ERI3: variants seen among roughly 807,000 people sequenced by gnomAD.
ERI3 encodes the protein ERI1 exoribonuclease family member 3, also known as ERI1 exoribonuclease 3.
In ERI3, 18 loss-of-function variants were observed where a neutral mutation model predicts 44.4. The ratio of observed to expected loss-of-function variants is 0.41; its 90% confidence interval spans 0.28 to 0.60. The LOEUF is 0.60. ERI3 is among the 20% of genes least tolerant of loss of function. The pLI is 0.36. For missense variants in ERI3, 294 were observed against 435.5 expected (o/e 0.68, Z 2.89); for synonymous variants, 183 against 164.8 (o/e 1.11, Z -0.84).
chr1:44,300,348 T>A (rs542637090), intron 6 of ERI3, among the ~76,000 whole-genome samples: 1 of 152,190 alleles, frequency 6.6e-6, no homozygotes, highest in Admixed American at 6.5e-5. Flanking sequence ...AGAAATGAGG[T>A]TGCCACTGGG....
At chr1:44,276,409 T>C (rs1645182637) in intron 7 of ERI3, among the ~76,000 whole-genome samples, 1 of 152,248 alleles carries the variant, frequency 6.6e-6, no homozygotes, top group Non-Finnish European at 1.5e-5. Flanking sequence ...GCATATGCAA[T>C]AGGTAAACAT....
rs376679407 is a variant in ERI3 at position 44,284,817 on chromosome 1, G to A, written c.831+18C>T. On this transcript the variant is annotated intron_variant, in intron 7 of 8. Coordinates refer to ENST00000372257, the MANE Select transcript of ERI3 (RefSeq NM_024066.3). ...AGAGCACCAGGGGAAGCACCCAGTT[G>A]GGGCTCAGACACAGTACCTTTTTCA... is the stretch of plus-strand genomic sequence containing the variant. 2.2e-4 allele frequency: 358 copies of A among 1,611,024 alleles called. 8 individuals carry two copies. In the East Asian group the frequency reaches 3.1e-3, roughly 14 times the overall value.
chr1:44,342,328 C>G (rs976556362), intron 2 of ERI3, among the ~76,000 whole-genome samples: 3 of 152,066 alleles, frequency 2.0e-5, no homozygotes, highest in African/African-American at 7.2e-5. Flanking sequence ...GGGTAAAGGG[C>G]AGTGGCAGTA....
intron 2 of ERI3, among the ~76,000 whole-genome samples, chr1:44,347,996 T>G (rs998393744): frequency 6.6e-6 from 1 of 152,238 alleles, no homozygotes; most frequent in Admixed American, 6.5e-5. Flanking sequence ...ATTTTATTCC[T>G]CTGTATTCCC....
chr1:44,259,201 T>G (rs559646355), intron 7 of ERI3, among the ~76,000 whole-genome samples: 3 of 151,906 alleles, frequency 2.0e-5, no homozygotes, highest in African/African-American at 7.3e-5. Context: ...GCTTTTATAA[T>G]AGGAGAGAAA....
intron 8 of ERI3, among the ~76,000 whole-genome samples, chr1:44,237,914 C>G (rs145991600): frequency 1.9e-3 from 285 of 152,232 alleles, no homozygotes; most frequent in Non-Finnish European, 2.7e-3. Flanking sequence ...GCCGGCAGCA[C>G]TACCTTGTCC....
intron 6 of ERI3, among the ~76,000 whole-genome samples, chr1:44,298,895 G>A (rs1645665946): frequency 6.6e-6 from 1 of 152,174 alleles, no homozygotes; most frequent in Non-Finnish European, 1.5e-5. Flanking sequence ...CTCTAGCCTG[G>A]GTGAAAGAAG....
chr1:44,346,682 C>G (rs1318472850), intron 2 of ERI3, among the ~76,000 whole-genome samples: 1 of 152,120 alleles, frequency 6.6e-6, no homozygotes, highest in Non-Finnish European at 1.5e-5. Context: ...TCCTATACTC[C>G]TGGTCCCAAG....
At chr1:44,299,567 C>A (rs1034285381) in intron 6 of ERI3, among the ~76,000 whole-genome samples, 8 of 152,056 alleles carry the variant, frequency 5.3e-5, no homozygotes, top group Admixed American at 4.6e-4. Context: ...ATATCTCATA[C>A]AAAGGAAAAT....
intron 7 of ERI3, among the ~76,000 whole-genome samples, chr1:44,281,578 A>T (rs1645283186): frequency 7.9e-6 from 1 of 126,924 alleles, no homozygotes; most frequent in Non-Finnish European, 1.6e-5. Context: ...ACAGAGTGAG[A>T]CCCCGTCTCG....
Position 44,284,889 on chromosome 1 carries a change from C to T in ERI3, c.777G>A (p.Gln259=). ...AATCCGCCACTGGCAAGCCCAAGTA[C>T]TGGCACTGGCCTGGGAGCCTACAAA... ...DLKVMLPGQC[Q]YLGLPVADYF... Residue 259 remains glutamine (Q), a synonymous_variant, in exon 7 of 9, where the codon CAG becomes CAA. Transcript: ENST00000372257. The T allele has an allele frequency of 1.2e-6, 2 of 1,614,066 alleles. No homozygotes were observed. Among genetic ancestry groups the T allele is most frequent in the Non-Finnish European group, 1.7e-6 (2 of 1,179,986 alleles).
intron 6 of ERI3, among the ~76,000 whole-genome samples, chr1:44,291,482 C>T (rs1362048376): frequency 6.6e-6 from 1 of 152,162 alleles, no homozygotes; most frequent in Non-Finnish European, 1.5e-5. Flanking sequence ...TCCTTATAGC[C>T]AGAATCCCTT....
In ERI3 at chr1:44,355,127, G is replaced by C; in HGVS notation, c.-101C>G. ...CAAGCGCTCAGGGCAGTTGGCGGCGGCGGGCGCGGCCCGCGCCGACTGCGG... is the reference window on the plus strand; with the variant it reads ...CAAGCGCTCAGGGCAGTTGGCGGCGCCGGGCGCGGCCCGCGCCGACTGCGG... On this transcript the variant is annotated 5_prime_UTR_variant, in exon 1 of 9. Transcript: ENST00000372257. 8.1e-7 allele frequency: 1 copy of C among 1,232,402 alleles called. No individual in the cohort carries two copies. Among genetic ancestry groups the C allele is most frequent in the Non-Finnish European group, 1.0e-6 (1 of 982,604 alleles). 76.3% of individuals were successfully genotyped at this position (1,232,402 alleles called of 1,614,324 possible).
At chr1:44,337,453 G>C (rs1646557369) in intron 3 of ERI3, among the ~76,000 whole-genome samples, 2 of 152,204 alleles carry the variant, frequency 1.3e-5, no homozygotes, top group African/African-American at 4.8e-5. Flanking sequence ...CACCACACCA[G>C]AGAAAATCCA....
Position 44,241,605 on chromosome 1 carries a change from G to A in ERI3, c.931+6334C>T, listed in dbSNP as rs1011567829. On this transcript the variant is annotated intron_variant, in intron 8 of 8. Coordinates refer to ENST00000372257, the MANE Select transcript of ERI3 (RefSeq NM_024066.3). This position sits in a 1 kb window ranked among gnomAD's most constrained non-coding sequence, Gnocchi z 5.6. ...AGGCTGCAAGATCACCAGGGGTCAG[G>A]GCGCTGACATCCCCGCAGAGTCTAT... is the stretch of plus-strand genomic sequence containing the variant. Among the ~76,000 whole-genome samples, 11 of 152,114 alleles carry A rather than the reference G, an allele frequency of 7.2e-5. No individual in the cohort carries two copies. Among genetic ancestry groups the A allele is most frequent in the Non-Finnish European group, 1.6e-4 (11 of 68,042 alleles).
At chr1:44,343,225 T>C (rs1324893733) in intron 2 of ERI3, among the ~76,000 whole-genome samples, 3 of 152,024 alleles carry the variant, frequency 2.0e-5, no homozygotes, top group Admixed American at 2.0e-4. Flanking sequence ...TATAATGCAC[T>C]GAATAGAAAA....
intron 7 of ERI3, 112 bp downstream of exon 7, chr1:44,284,723 A>C: frequency 1.3e-6 from 1 of 782,788 alleles, no homozygotes; most frequent in Admixed American, 2.4e-5. Context: ...AGAAAAGAGA[A>C]GAACAAAAAG....
At chr1:44,338,729 A>G (rs1646585456) in intron 3 of ERI3, among the ~76,000 whole-genome samples, 1 of 152,194 alleles carries the variant, frequency 6.6e-6, no homozygotes, top group Admixed American at 6.5e-5. Context: ...AGCACTCCTT[A>G]AAGGAACAAG....
chr1:44,252,684 T>C lies in ERI3; in HGVS notation c.832-4646A>G, dbSNP rs150678734. 1.2e-3 allele frequency among the ~76,000 whole-genome samples: 176 copies of C among 152,298 alleles called. 2 individuals carry two copies. The East Asian group carries it at 0.033, about 29-fold the overall frequency. ...AGTGTATTGGGTTTAATAGATGAAG[T>C]AGCCCTCATCGGCTGCAGCATCAGA... On this transcript the variant is annotated intron_variant, in intron 7 of 8. Transcript: ENST00000372257. The surrounding 1 kb of genome is among the most constrained non-coding windows in gnomAD (Gnocchi z 4.7).
Sources: gnomAD v4.1 joint callset for allele counts (sites outside exome capture counted in the v4.1 genomes callset) on GRCh38, gnomAD v4.1.1 for gene constraint, Gnocchi (gnomAD v3.1) non-coding constraint, MANE v1.5 for transcripts, NCBI Gene and HGNC (gene_info 2026-07-23, HGNC 2026-07-21) for gene names.